SUN1: variants seen among roughly 807,000 people sequenced by gnomAD.
SUN1 encodes the protein SUN domain-containing protein 1.
Under a neutral mutation model 103.2 loss-of-function variants are expected in SUN1, and 61 were observed. The ratio of observed to expected loss-of-function variants is 0.59; its 90% confidence interval spans 0.48 to 0.73. The LOEUF is 0.73. Ranked by LOEUF, SUN1 falls within the 30% of genes least tolerant of loss-of-function variation. The pLI is 0.00. For synonymous variants in SUN1, 490 were observed against 425.7 expected (o/e 1.15, Z -1.86); for missense variants, 1,052 against 1,034.6 (o/e 1.02, Z -0.23).
intron 18 of SUN1, among the ~76,000 whole-genome samples, chr7:873,000 T>C (rs1454439629): frequency 6.6e-6 from 1 of 152,176 alleles, no homozygotes; most frequent in Non-Finnish European, 1.5e-5. Flanking sequence ...GGCAGGAGAA[T>C]CGCTTGAGCC....
intron 1 of SUN1, among the ~76,000 whole-genome samples, chr7:823,260 TTGAGA>T (rs1037018361): frequency 5.9e-5 from 9 of 152,194 alleles, no homozygotes; most frequent in African/African-American, 2.2e-4. Context: ...GAAGGACTCA[TTGAGA>T]AATAATCATT....
chr7:848,386 A>G, intron 5 of SUN1: 1 of 1,337,654 alleles, frequency 7.5e-7, no homozygotes, highest in Non-Finnish European at 9.9e-7. Context: ...CTTTATGGGA[A>G]GAAATAACGC....
chr7:843,142 GTTC>G, intron 3 of SUN1, 61 bp from the exon 4 acceptor site: 1 of 1,591,280 alleles, frequency 6.3e-7, no homozygotes, highest in Non-Finnish European at 8.5e-7. Context: ...AATGGGTTTT[GTTC>G]TTATTTGATA....
intron 2 of SUN1, 27 bp from the exon 3 acceptor site, chr7:841,919 A>G (rs1350133858): frequency 6.2e-7 from 1 of 1,610,262 alleles, no homozygotes; most frequent in African/African-American, 1.3e-5. Flanking sequence ...AAAGATCTAT[A>G]AACTTGCTGT....
chr7:837,482 A>C (rs920871346), intron 1 of SUN1, among the ~76,000 whole-genome samples: 1 of 152,176 alleles, frequency 6.6e-6, no homozygotes, highest in African/African-American at 2.4e-5. Context: ...TAAATAACAC[A>C]TTTTTAAAAG....
At chr7:832,958 T>G (rs996487001) in intron 1 of SUN1, 3 of 200,876 alleles carry the variant, frequency 1.5e-5, no homozygotes, top group Non-Finnish European at 3.0e-5. Flanking sequence ...ACCTGGAAAA[T>G]TATTTCCCAT....
chr7:825,610 A>G (rs1791008781), intron 1 of SUN1, among the ~76,000 whole-genome samples: 1 of 152,204 alleles, frequency 6.6e-6, no homozygotes, highest in Admixed American at 6.5e-5. Flanking sequence ...GTTTTGAATA[A>G]TCAGTTCATT....
chr7:852,118 TTTG>T, intron 7 of SUN1, 75 bp downstream of exon 7: 1 of 1,275,470 alleles, frequency 7.8e-7, no homozygotes, highest in Non-Finnish European at 1.1e-6. Flanking sequence ...TCTCATTTGA[TTTG>T]TTATTTTGTA....
chr7:865,418 A>G (rs1835675337), intron 15 of SUN1, among the ~76,000 whole-genome samples: 1 of 152,110 alleles, frequency 6.6e-6, no homozygotes, highest in Non-Finnish European at 1.5e-5. Flanking sequence ...GCCTGCTCTC[A>G]CTGTTTTTTA....
chr7:828,420 C>T (rs917073060), upstream of SUN1, among the ~76,000 whole-genome samples: 2 of 151,734 alleles, frequency 1.3e-5, no homozygotes, highest in African/African-American at 4.8e-5. Context: ...TACAGGCGCC[C>T]GCCACCACAC....
intron 5 of SUN1, chr7:849,440 A>G (rs1335368824): frequency 1.9e-6 from 2 of 1,078,340 alleles, no homozygotes; most frequent in East Asian, 4.9e-5. Context: ...TCCTCTGATC[A>G]TGTTGACTTC....
At chr7:849,563 CAG>C (rs1272072193) in intron 5 of SUN1, 1 of 1,412,264 alleles carries the variant, frequency 7.1e-7, no homozygotes, top group Non-Finnish European at 9.5e-7. Flanking sequence ...GAGAGGTTCT[CAG>C]AGAGGATGGC....
chr7:837,315 A>G (rs923854874), intron 1 of SUN1, among the ~76,000 whole-genome samples: 5 of 152,162 alleles, frequency 3.3e-5, no homozygotes, highest in African/African-American at 1.2e-4. Context: ...TCAGTCTCAG[A>G]CACGTGGACT....
intron 10 of SUN1, 112 bp downstream of exon 10, chr7:853,730 G>A: frequency 8.1e-7 from 1 of 1,235,558 alleles, no homozygotes; most frequent in East Asian, 2.5e-5. Context: ...TGTGAAAAGG[G>A]GTTGCCCTTT....
chr7:817,473 C>T, intron 1 of SUN1: 1 of 1,536,160 alleles, frequency 6.5e-7, no homozygotes, highest in South Asian at 1.2e-5. Context: ...AGGATTTCTC[C>T]CGGCTCCCCA....
intron 1 of SUN1, 47 bp from the exon 2 acceptor site, chr7:838,751 T>C: frequency 6.9e-7 from 1 of 1,450,630 alleles, no homozygotes; most frequent in Non-Finnish European, 9.2e-7. Flanking sequence ...TGTTTCAGAA[T>C]GGGGGCTATA....
intron 1 of SUN1, among the ~76,000 whole-genome samples, chr7:835,409 C>T (rs1802097611): frequency 1.3e-5 from 2 of 152,258 alleles, no homozygotes; most frequent in South Asian, 4.1e-4. Flanking sequence ...ATACCACTAT[C>T]ATCCCAGTCA....
intron 1 of SUN1, among the ~76,000 whole-genome samples, chr7:827,393 TTAC>T (rs1040299970): frequency 6.6e-6 from 1 of 152,106 alleles, no homozygotes; most frequent in Non-Finnish European, 1.5e-5. Flanking sequence ...CTCTGGATTA[TTAC>T]TAGATTAGTA....
chr7:817,562 C>A lies in SUN1; in HGVS notation c.-74+889C>A. 4.6e-6 allele frequency: 7 copies of A among 1,525,110 alleles called. No homozygotes were observed. In the South Asian group the frequency reaches 7.2e-5, roughly 16 times the overall value. 94.5% of individuals were successfully genotyped at this position (1,525,110 alleles called of 1,614,324 possible). On this transcript the variant is annotated intron_variant, in intron 1 of 17. Transcript: ENST00000389574. The stretch of plus-strand genomic sequence containing the variant: ...CAGCTTGTGGTTGCTGCGTCTGGCT[C>A]TGATTCCGGGTGGGAAGCTGCCCAT...
Sources: gnomAD v4.1 joint callset for allele counts (sites outside exome capture counted in the v4.1 genomes callset) on GRCh38, gnomAD v4.1.1 for gene constraint, MANE v1.5 for transcripts, NCBI Gene and HGNC (gene_info 2026-07-23, HGNC 2026-07-21) for gene names.